The following PLCL2 variants were observed in gnomAD, a reference collection of about 807,000 sequenced individuals.
PLCL2 encodes the protein inactive phospholipase C-like protein 2.
A neutral mutation model predicts 79.6 loss-of-function variants in PLCL2; 4 were observed. That is an observed-to-expected ratio of 0.05 (90% CI 0.02 to 0.11). The LOEUF is 0.11. Among genes scored for constraint, PLCL2 ranks in the 10% least tolerant of loss-of-function variants. The pLI is 1.00. For synonymous variants in PLCL2, 484 were observed against 457.7 expected (o/e 1.06, Z -0.73); for missense variants, 895 against 1,291.0 (o/e 0.69, Z 4.70).
chr3:16,949,260 A>C (rs141209308), intron 1 of PLCL2, among the ~76,000 whole-genome samples: 1 of 152,116 alleles, frequency 6.6e-6, no homozygotes, highest in East Asian at 1.9e-4. Context: ...CTGCCAGGTT[A>C]TCCTCTCACA....
chr3:16,971,753 G>A (rs1408711629), intron 1 of PLCL2, among the ~76,000 whole-genome samples: 4 of 152,138 alleles, frequency 2.6e-5, no homozygotes, highest in African/African-American at 9.7e-5. Context: ...TCTCCTTGAA[G>A]AGGTCCTTCA....
At chr3:16,923,866 T>C (rs1697182161) in intron 1 of PLCL2, among the ~76,000 whole-genome samples, 1 of 152,222 alleles carries the variant, frequency 6.6e-6, no homozygotes, top group South Asian at 2.1e-4. Flanking sequence ...TCAAGTTTGC[T>C]GATTCCTTCT....
At chr3:17,056,310 G>GTT (rs199573522) in intron 4 of PLCL2, among the ~76,000 whole-genome samples, 1,894 of 152,014 alleles carry the variant, frequency 0.012, 26 homozygotes, top group Non-Finnish European at 0.014. Flanking sequence ...ATACCAGAAG[G>GTT]TTATATATAT....
At chr3:16,930,467 T>C (rs866000100) in intron 1 of PLCL2, among the ~76,000 whole-genome samples, 2 of 152,216 alleles carry the variant, frequency 1.3e-5, no homozygotes, top group Non-Finnish European at 2.9e-5. Flanking sequence ...AATGTATGAA[T>C]AGGACCTTTG....
chr3:16,934,933 T>C (rs1047868625), intron 1 of PLCL2, among the ~76,000 whole-genome samples: 2 of 152,248 alleles, frequency 1.3e-5, no homozygotes, highest in African/African-American at 4.8e-5. Context: ...ATTATTTCTT[T>C]TGGACAAATC....
At chr3:17,018,778 ATAAGT>A (rs1323265046) in intron 3 of PLCL2, among the ~76,000 whole-genome samples, 1 of 152,234 alleles carries the variant, frequency 6.6e-6, no homozygotes, top group Non-Finnish European at 1.5e-5. Flanking sequence ...CAGATACAAA[ATAAGT>A]TACTGTATTT....
chr3:16,967,821 T>A (rs544411189), intron 1 of PLCL2, among the ~76,000 whole-genome samples: 1 of 152,222 alleles, frequency 6.6e-6, no homozygotes, highest in African/African-American at 2.4e-5. Flanking sequence ...GGTGTCTTCA[T>A]CATGAAATTT....
At chr3:16,948,654 G>GT (rs1212097620) in intron 1 of PLCL2, among the ~76,000 whole-genome samples, 1 of 152,208 alleles carries the variant, frequency 6.6e-6, no homozygotes, top group Non-Finnish European at 1.5e-5. Context: ...TAAATACACA[G>GT]TGAGTACTTG....
At chr3:16,937,708 A>T (rs1697573691) in intron 1 of PLCL2, among the ~76,000 whole-genome samples, 1 of 152,226 alleles carries the variant, frequency 6.6e-6, no homozygotes, top group Non-Finnish European at 1.5e-5. Flanking sequence ...ACTCCAAGTT[A>T]TACACTTGAC....
chr3:16,957,958 C>G (rs990147975), intron 1 of PLCL2, among the ~76,000 whole-genome samples: 6 of 152,176 alleles, frequency 3.9e-5, no homozygotes, highest in Non-Finnish European at 7.3e-5. Flanking sequence ...ATACAGCACA[C>G]TGATGGGTCT....
chr3:16,888,090 A>C (rs1696266459), intron 1 of PLCL2, among the ~76,000 whole-genome samples: 1 of 152,180 alleles, frequency 6.6e-6, no homozygotes, highest in African/African-American at 2.4e-5. Flanking sequence ...TACAGTCTTG[A>C]CAGCCCTCTT....
At chr3:16,888,971 G>T (rs1205907718) in intron 1 of PLCL2, among the ~76,000 whole-genome samples, 2 of 151,962 alleles carry the variant, frequency 1.3e-5, no homozygotes, top group African/African-American at 2.4e-5. Flanking sequence ...GAAGATATAG[G>T]GCACTAACAT....
Position 16,886,412 on chromosome 3 carries a change from A to G in PLCL2, c.327+1046A>G, listed in dbSNP as rs1696224176. Among the ~76,000 whole-genome samples the G allele has an allele frequency of 6.6e-6, 1 of 152,354 alleles. No individual in the cohort carries two copies. The highest frequency in any genetic ancestry group is 2.1e-4 in the South Asian group (1 of 4,832). On this transcript the variant is annotated intron_variant, in intron 1 of 5. Transcript: ENST00000615277. The surrounding 1 kb of genome is among the most constrained non-coding windows in gnomAD (Gnocchi z 4.2). ...CTGGTGGGAGGGCAGAACGTGCCAC[A>G]GTAAAGAGAGTTGGCAGTGGTGGTA...
chr3:16,898,017 G>A (rs1273784201), intron 1 of PLCL2, among the ~76,000 whole-genome samples: 1 of 151,640 alleles, frequency 6.6e-6, no homozygotes, highest in Non-Finnish European at 1.5e-5. Flanking sequence ...ACATTGACAA[G>A]GATGAGTCTT....
intron 4 of PLCL2, among the ~76,000 whole-genome samples, chr3:17,050,240 CTT>C (rs2064825674): frequency 6.6e-6 from 1 of 152,142 alleles, no homozygotes; most frequent in Admixed American, 6.6e-5. Context: ...ATTGGGGAAA[CTT>C]TCCAGGCATT....
rs1390716978 is a variant in PLCL2 at position 16,886,559 on chromosome 3, T to C, written c.327+1193T>C. Among the ~76,000 whole-genome samples the C allele has an allele frequency of 6.6e-6, 1 of 152,252 alleles. No homozygotes were observed. The highest frequency in any genetic ancestry group is 1.5e-5 in the Non-Finnish European group (1 of 68,044). On this transcript the variant is annotated intron_variant, in intron 1 of 5. Coordinates refer to ENST00000615277, the MANE Select transcript of PLCL2 (RefSeq NM_001144382.2). This position sits in a 1 kb window ranked among gnomAD's most constrained non-coding sequence, Gnocchi z 4.2. ...CTTGCTACTCTATGTAAGAGGCAAT[T>C]GTGAAACTGCATTTCCCTTTGTCAT...
chr3:16,926,320 C>T (rs1697249394), intron 1 of PLCL2, among the ~76,000 whole-genome samples: 1 of 152,198 alleles, frequency 6.6e-6, no homozygotes, highest in South Asian at 2.1e-4. Flanking sequence ...AGCAGTGTCA[C>T]TTTGAGGAAT....
chr3:16,974,264 C>T (rs552110594), intron 1 of PLCL2, among the ~76,000 whole-genome samples: 13 of 152,188 alleles, frequency 8.5e-5, no homozygotes, highest in South Asian at 2.1e-4. Flanking sequence ...GAATCAAAAT[C>T]GGGTCTCACA....
intron 1 of PLCL2, among the ~76,000 whole-genome samples, chr3:16,941,638 G>A (rs2063547844): frequency 6.6e-6 from 1 of 152,196 alleles, no homozygotes; most frequent in East Asian, 1.9e-4. Flanking sequence ...TCTCTGCTAA[G>A]CTCACTTTGA....
Sources: gnomAD v4.1 joint callset for allele counts (sites outside exome capture counted in the v4.1 genomes callset) on GRCh38, gnomAD v4.1.1 for gene constraint, Gnocchi (gnomAD v3.1) non-coding constraint, MANE v1.5 for transcripts, NCBI Gene and HGNC (gene_info 2026-07-23, HGNC 2026-07-21) for gene names.